The following DTNA variants were observed in gnomAD, a reference collection of about 807,000 sequenced individuals.
DTNA encodes dystrophin-related protein 3.
A neutral mutation model predicts 100.7 loss-of-function variants in DTNA; 43 were observed. The observed-to-expected ratio is 0.43, with a 90% confidence interval of 0.33 to 0.55. The LOEUF (loss-of-function observed/expected upper bound fraction) is 0.55. DTNA is among the 20% of genes least tolerant of loss of function. The pLI is 0.04. For synonymous variants in DTNA, 349 were observed against 347.9 expected (o/e 1.00, Z -0.04); for missense variants, 798 against 953.9 (o/e 0.84, Z 2.15).
chr18:34,771,724 G>T (rs2093783096), intron 3 of DTNA, among the ~76,000 whole-genome samples: 3 of 152,098 alleles, frequency 2.0e-5, no homozygotes, highest in Admixed American at 2.0e-4. Flanking sequence ...GCAGAACAAA[G>T]AATACAAATA....
intron 1 of DTNA, among the ~76,000 whole-genome samples, chr18:34,741,089 CGTATT>C (rs1342210280): frequency 6.6e-6 from 1 of 152,014 alleles, no homozygotes; most frequent in African/African-American, 2.4e-5. Flanking sequence ...TCTACATAAT[CGTATT>C]GTATATCACT....
At chr18:34,714,537 C>G (rs1230134220) in intron 1 of DTNA, among the ~76,000 whole-genome samples, 1 of 148,884 alleles carries the variant, frequency 6.7e-6, no homozygotes, top group Non-Finnish European at 1.5e-5. Flanking sequence ...CAATGAGATA[C>G]CATCTCACAC....
intron 1 of DTNA, among the ~76,000 whole-genome samples, chr18:34,740,295 G>A (rs1164690606): frequency 6.6e-6 from 1 of 152,130 alleles, no homozygotes; most frequent in Non-Finnish European, 1.5e-5. Flanking sequence ...CTGCTTGTCT[G>A]TGTGCCCAGA....
intron 1 of DTNA, among the ~76,000 whole-genome samples, chr18:34,746,954 C>A (rs2091679789): frequency 6.6e-6 from 1 of 152,050 alleles, no homozygotes; most frequent in African/African-American, 2.4e-5. Flanking sequence ...TACAGTCTTA[C>A]CCAGAATAAG....
At chr18:34,681,730 ACC>A (rs1270842993) in intron 1 of DTNA, among the ~76,000 whole-genome samples, 2 of 143,292 alleles carry the variant, frequency 1.4e-5, no homozygotes, top group Non-Finnish European at 3.1e-5. Context: ...ACACACACAC[ACC>A]CCACACACAC....
At chr18:34,638,629 A>G (rs1265578951) in intron 1 of DTNA, among the ~76,000 whole-genome samples, 1 of 152,234 alleles carries the variant, frequency 6.6e-6, no homozygotes, top group Non-Finnish European at 1.5e-5. Context: ...CTATATTTCT[A>G]TATTCTATAT....
At chr18:34,674,913 G>A (rs868531810) in intron 1 of DTNA, among the ~76,000 whole-genome samples, 15 of 152,306 alleles carry the variant, frequency 9.8e-5, no homozygotes, top group African/African-American at 3.6e-4. Flanking sequence ...GCAGCACTAA[G>A]GACTGGAATA....
intron 5 of DTNA, among the ~76,000 whole-genome samples, chr18:34,809,567 G>T (rs2095440428): frequency 6.6e-6 from 1 of 152,176 alleles, no homozygotes; most frequent in South Asian, 2.1e-4. Context: ...AGGCTTGAGG[G>T]TTTTGTTTTC....
chr18:34,562,504 T>G (rs1260840940), intron 1 of DTNA, among the ~76,000 whole-genome samples: 1 of 152,186 alleles, frequency 6.6e-6, no homozygotes. Flanking sequence ...AAGTGGCATC[T>G]CCTTCCTTTT....
rs189032568 is a variant in DTNA, at chr18:34,885,818, T to G, written c.*31+1042T>G. 2.6e-5 allele frequency among the ~76,000 whole-genome samples: 4 copies of G among 152,368 alleles called. No homozygotes were observed. In the East Asian group the frequency reaches 5.8e-4, roughly 22 times the overall value. ...CCTGGCAGCTGCCATATTGCTTACC[T>G]AAGTGTACGGGAAACACTGGGACCC... On this transcript the variant is annotated intron_variant, in intron 22 of 22. Transcript: ENST00000444659.
intron 1 of DTNA, among the ~76,000 whole-genome samples, chr18:34,746,418 C>G (rs987597900): frequency 4.6e-5 from 7 of 152,138 alleles, no homozygotes; most frequent in Admixed American, 3.9e-4. Context: ...AAGAAAGCCT[C>G]TCTCTCCAAT....
At chr18:34,859,201 T>A (rs2096587665) in intron 16 of DTNA, among the ~76,000 whole-genome samples, 1 of 152,194 alleles carries the variant, frequency 6.6e-6, no homozygotes, top group Non-Finnish European at 1.5e-5. Context: ...ACTATAGAAG[T>A]CATCTTGTTA....
At chr18:34,815,569 A>G in intron 6 of DTNA, 1 of 277,202 alleles carries the variant, frequency 3.6e-6, no homozygotes, top group South Asian at 3.8e-5. Context: ...GTTCTTGAGT[A>G]AAATTCCATG....
intron 11 of DTNA, among the ~76,000 whole-genome samples, chr18:34,831,498 T>C (rs2096008232): frequency 1.3e-5 from 2 of 152,238 alleles, no homozygotes; most frequent in Non-Finnish European, 2.9e-5. Flanking sequence ...CCGGGCAAGG[T>C]GGCTCACGCC....
chr18:34,752,343 CAGAATGACA>C (rs2092391604), intron 1 of DTNA, among the ~76,000 whole-genome samples: 1 of 152,238 alleles, frequency 6.6e-6, no homozygotes, highest in African/African-American at 2.4e-5. Context: ...CCTTTCCCTA[CAGAATGACA>C]TGCTCTTCTC....
chr18:34,549,274 C>G (rs558250113), intron 1 of DTNA, among the ~76,000 whole-genome samples: 7 of 152,132 alleles, frequency 4.6e-5, no homozygotes, highest in South Asian at 4.2e-4. Context: ...TCTTTAAATC[C>G]CATCATACAA....
chr18:34,555,629 A>G (rs1489367992), intron 1 of DTNA, among the ~76,000 whole-genome samples: 4 of 151,906 alleles, frequency 2.6e-5, no homozygotes, highest in Non-Finnish European at 2.9e-5. Flanking sequence ...TCATTTCGTT[A>G]TGTATCCAGT....
At chr18:34,776,676 C>A (rs951625073) in intron 3 of DTNA, among the ~76,000 whole-genome samples, 7 of 152,198 alleles carry the variant, frequency 4.6e-5, no homozygotes, top group South Asian at 2.1e-4. Context: ...TGAATTCAAT[C>A]TCAAAGGGAT....
At chr18:34,809,925 G>A (rs2095448830) in intron 5 of DTNA, among the ~76,000 whole-genome samples, 1 of 152,180 alleles carries the variant, frequency 6.6e-6, no homozygotes, top group Non-Finnish European at 1.5e-5. Flanking sequence ...CAGCTTAGGA[G>A]ATGAAGGGCG....
Sources: allele counts gnomAD v4.1 joint callset (sites outside exome capture counted in the v4.1 genomes callset), GRCh38; gene constraint gnomAD v4.1.1; transcripts MANE v1.5; gene names NCBI Gene and HGNC (gene_info 2026-07-23, HGNC 2026-07-21).